Variants in RNF170 observed in about 807,000 individuals in gnomAD.
The protein encoded by RNF170 is ring finger protein 170.
RNF170 carries 12 observed loss-of-function variants against 32.7 expected under a neutral mutation model. The ratio of observed to expected loss-of-function variants is 0.37; its 90% confidence interval spans 0.24 to 0.60. The LOEUF is 0.60. Ranked by LOEUF, RNF170 falls within the 20% of genes least tolerant of loss-of-function variation. The pLI, the probability that RNF170 is intolerant of heterozygous loss-of-function variation, is 0.72. For missense variants in RNF170, 212 were observed against 311.2 expected, an observed-to-expected ratio of 0.68 and a Z score of 2.40; for synonymous variants, 91 against 103.6, an observed-to-expected ratio of 0.88 and a Z score of 0.74.
rs117069049 is a variant in RNF170, at chr8:42,854,468, A to G, written c.*1691T>C. The G allele has an allele frequency of 5.0e-3, 6,459 of 1,286,832 alleles. 16 individuals are homozygous for G. Among genetic ancestry groups the G allele is most frequent in the Non-Finnish European group, 6.0e-3 (5,884 of 988,288 alleles). The allele number at this position is 1,286,832 out of a possible 1,614,324, so 79.7% of individuals were successfully genotyped here. A position where few individuals can be genotyped will look rare whatever the true frequency, so the allele number is the denominator to read the frequency against. On this transcript the variant is annotated 3_prime_UTR_variant, in exon 7 of 7. Coordinates refer to ENST00000527424, the MANE Select transcript of RNF170 (RefSeq NM_030954.4). ...CGTTCCTCACAAAATTATCCAAAGG[A>G]TAAAATGAAAAGTATGTGAGAAACC...
At chr8:42,874,065 C>G in intron 2 of RNF170, 59 bp from the exon 3 acceptor site, 1 of 981,818 alleles carries the variant, frequency 1.0e-6, no homozygotes, top group South Asian at 1.3e-5. Context: ...AATCCATTTT[C>G]TTCATGGGTC....
chr8:42,856,537 T>TA (rs1803257288), intron 6 of RNF170, 109 bp from the exon 7 acceptor site: 1 of 774,504 alleles, frequency 1.3e-6, no homozygotes, highest in East Asian at 2.7e-5. Flanking sequence ...ATTAAGGAGT[T>TA]ACACATTAAT....
At chr8:42,859,555 A>C (rs1803501030) in intron 6 of RNF170, among the ~76,000 whole-genome samples, 2 of 152,180 alleles carry the variant, frequency 1.3e-5, no homozygotes, top group African/African-American at 2.4e-5. Flanking sequence ...TGAGCTTGGA[A>C]GGTTGAGGCT....
At position 42,889,280 on chromosome 8, in the gene RNF170, A is replaced by G. The variant is rs1314864503; in HGVS notation, c.-7-1409T>C. The G allele has an allele frequency of 2.6e-5, 4 of 152,282 alleles. No individual in the cohort carries two copies. The East Asian group carries it at 7.7e-4, about 29-fold the overall frequency. 9.4% of individuals were successfully genotyped at this position (152,282 alleles called of 1,614,324 possible). ...TAAGAAACTTTCCTTCCTACACTCT[A>G]AACTAGAGAAAAATGGTAGTACCTA... On this transcript the variant is annotated intron_variant, in intron 1 of 6. Coordinates refer to ENST00000527424, the MANE Select transcript of RNF170 (RefSeq NM_030954.4).
intron 2 of RNF170, among the ~76,000 whole-genome samples, chr8:42,874,329 T>C (rs1341519245): frequency 6.6e-6 from 1 of 152,238 alleles, no homozygotes; most frequent in Non-Finnish European, 1.5e-5. Context: ...AATAAGCAGC[T>C]ATCTAATTTT....
At chr8:42,851,142 G>C, downstream of RNF170, 3 of 1,192,812 alleles carry the variant, frequency 2.5e-6, no homozygotes, top group East Asian at 2.6e-5. Context: ...TACCACCACA[G>C]CCCCCATTGG....
At chr8:42,884,150 G>C (rs867332904) in intron 2 of RNF170, among the ~76,000 whole-genome samples, 2 of 151,492 alleles carry the variant, frequency 1.3e-5, no homozygotes, top group Admixed American at 1.3e-4. Flanking sequence ...GCGTGATCTC[G>C]GCTCACAGCA....
chr8:42,873,575 A>G (rs1356869638), intron 3 of RNF170, among the ~76,000 whole-genome samples: 1 of 152,134 alleles, frequency 6.6e-6, no homozygotes, highest in Non-Finnish European at 1.5e-5. Flanking sequence ...CAAAACAGCC[A>G]CCTCTTCTAG....
chr8:42,897,077 G>A, upstream of RNF170: 2 of 1,220,010 alleles, frequency 1.6e-6, no homozygotes, highest in Middle Eastern at 2.3e-4. Context: ...TCCCCCGACA[G>A]AGCGGCGGCG....
At chr8:42,860,672 C>T (rs1029710646) in intron 6 of RNF170, among the ~76,000 whole-genome samples, 9 of 151,952 alleles carry the variant, frequency 5.9e-5, no homozygotes, top group African/African-American at 2.2e-4. Context: ...ATCTGCCCAC[C>T]TCAGCCTCCC....
chr8:42,854,836 G>A lies in RNF170; in HGVS notation c.*1323C>T. ...AGTGAGTAAGATCTCCCAGTACCAT[G>A]TGGTACTGAGTCTTCTCAGATACAT... On this transcript the variant is annotated 3_prime_UTR_variant, in exon 7 of 7. Transcript: ENST00000527424. 1 of 1,286,754 alleles carries A rather than the reference G, an allele frequency of 7.8e-7. No homozygotes were observed. The highest frequency in any genetic ancestry group is 1.0e-6 in the Non-Finnish European group (1 of 988,226). 79.7% of individuals were successfully genotyped at this position (1,286,754 alleles called of 1,614,324 possible).
At chr8:42,892,929 G>A (rs1806433647) in intron 1 of RNF170, among the ~76,000 whole-genome samples, 1 of 152,126 alleles carries the variant, frequency 6.6e-6, no homozygotes, top group African/African-American at 2.4e-5. Flanking sequence ...AGAGGTTGCA[G>A]TGAGCCAAGA....
At chr8:42,852,338 TATA>T (rs1466837841), downstream of RNF170, among the ~76,000 whole-genome samples, 1 of 152,268 alleles carries the variant, frequency 6.6e-6, no homozygotes, top group Admixed American at 6.5e-5. Context: ...ACCTGTTGAA[TATA>T]ATCCTTATAT....
intron 2 of RNF170, 142 bp from the exon 3 acceptor site, chr8:42,874,148 C>CTGA: frequency 1.5e-6 from 1 of 653,214 alleles, no homozygotes; most frequent in East Asian, 2.8e-5. Context: ...CAGGACTGTA[C>CTGA]GTTTCAGGCT....
chr8:42,878,216 T>C (rs1323624222), intron 2 of RNF170, among the ~76,000 whole-genome samples: 5 of 152,180 alleles, frequency 3.3e-5, no homozygotes, highest in Non-Finnish European at 7.3e-5. Context: ...CCTCTAGGTG[T>C]TCAAGTGAAA....
chr8:42,869,938 C>A, intron 4 of RNF170, 66 bp downstream of exon 4: 1 of 1,148,502 alleles, frequency 8.7e-7, no homozygotes, highest in South Asian at 1.3e-5. Flanking sequence ...GGGAATCCAG[C>A]CTTTGTACAC....
downstream of RNF170, chr8:42,851,089 T>C: frequency 6.6e-7 from 1 of 1,512,080 alleles, no homozygotes; most frequent in Non-Finnish European, 8.9e-7. Context: ...CCTTCCTGCT[T>C]CTTCAACCTC....
chr8:42,880,205 T>C (rs2128944407), intron 2 of RNF170, among the ~76,000 whole-genome samples: 1 of 152,290 alleles, frequency 6.6e-6, no homozygotes, highest in East Asian at 1.9e-4. Context: ...AGTTGCTTCC[T>C]ATGGATGAGC....
At chr8:42,882,622 GAACA>G in intron 2 of RNF170, among the ~76,000 whole-genome samples, 1 of 152,154 alleles carries the variant, frequency 6.6e-6, no homozygotes, top group East Asian at 1.9e-4. Context: ...AAACACAAAA[GAACA>G]AATACTGTAT....
Sources: gnomAD v4.1 joint callset for allele counts (sites outside exome capture counted in the v4.1 genomes callset) on GRCh38, gnomAD v4.1.1 for gene constraint, MANE v1.5 for transcripts, NCBI Gene and HGNC (gene_info 2026-07-23, HGNC 2026-07-21) for gene names.